The following TIMP2 variants were observed in gnomAD, a reference collection of about 807,000 sequenced individuals.
TIMP2 encodes the protein metalloproteinase inhibitor 2.
TIMP2 carries 5 observed loss-of-function variants against 24.3 expected under a neutral mutation model. That is an observed-to-expected ratio of 0.21 (90% confidence interval 0.11 to 0.43). The LOEUF (loss-of-function observed/expected upper bound fraction) is 0.43, where lower values mean the gene tolerates loss of function less well. TIMP2 is among the 20% of genes least tolerant of loss of function. The pLI is 1.00. For missense variants in TIMP2, 221 were observed against 297.5 expected (o/e 0.74, Z 1.89); for synonymous variants, 130 against 123.2 (o/e 1.06, Z -0.37).
At chr17:78,890,374 A>C (rs553223206) in intron 1 of TIMP2, among the ~76,000 whole-genome samples, 2 of 152,140 alleles carry the variant, frequency 1.3e-5, no homozygotes, top group South Asian at 2.1e-4. Flanking sequence ...GCTAATTTTT[A>C]TATTTTTAGT....
rs541162688 is a variant in TIMP2, at chr17:78,873,831, G to C, written c.219C>G (p.Ile73Met). The change falls in exon 2 of 5, where the codon ATC (isoleucine) becomes ATG (methionine). Residue 73 changes from isoleucine to methionine, a missense_variant. Ile to Met is a conservative substitution (Grantham distance 10, BLOSUM62 1). Coordinates refer to ENST00000262768, the MANE Select transcript of TIMP2 (RefSeq NM_003255.5). Reference protein sequence around the residue: ...GNPIKRIQYEIKQIKMFKGPE... With the variant: ...GNPIKRIQYEMKQIKMFKGPE... ...CAGCCACTATTACCTTTATCTGCTTGATCTCATACTGGATCCTCTTGATAG... is the reference window on the plus strand; with the variant it reads ...CAGCCACTATTACCTTTATCTGCTTCATCTCATACTGGATCCTCTTGATAG... The C allele has an allele frequency of 1.9e-5, 31 of 1,612,532 alleles. No homozygotes were observed. The South Asian group carries it at 3.2e-4, about 17-fold the overall frequency.
chr17:78,875,340 A>T (rs556533485), intron 1 of TIMP2, among the ~76,000 whole-genome samples: 100 of 152,136 alleles, frequency 6.6e-4, no homozygotes, highest in Non-Finnish European at 5.9e-4. Context: ...CTAAGCCCCA[A>T]CCAAACAGAA....
rs151274889 is a variant in TIMP2, at chr17:78,888,323, T to A, written c.131-14404A>T. Among the ~76,000 whole-genome samples, 1,332 of 151,864 alleles carry A rather than the reference T, an allele frequency of 8.8e-3. 27 individuals are homozygous for A. Among genetic ancestry groups the A allele is most frequent in the African/African-American group, 0.031 (1,284 of 41,376 alleles). On this transcript the variant is annotated intron_variant, in intron 1 of 4. Transcript: ENST00000262768. ...TACAGATGCCACCACCACGCCCGGC[T>A]AATTTTTTGTATTTTTAGTAGAGAC...
rs769862358 is a variant in TIMP2 at position 78,857,540 on chromosome 17, C to T, written c.447G>A (p.Gln149=). 1 of 1,614,186 alleles carries T rather than the reference C, an allele frequency of 6.2e-7. No homozygotes were observed. The highest frequency in any genetic ancestry group is 1.1e-5 in the South Asian group (1 of 91,082). ...TGCTTACCTTGCACTCGCAGCCCAT[C>T]TGGTACCTGTGGTTCAGGCTCTTCT... is the stretch of plus-strand genomic sequence containing the variant. ...TQKKSLNHRY[Q]MGCECKITRC... is the part of the protein sequence containing the mutation. The change falls in exon 4 of 5, where the codon CAG becomes CAA. Residue 149 remains glutamine, a synonymous_variant. Transcript: ENST00000262768.
Position 78,893,350 on chromosome 17 carries a change from GGTGTGTGTGCAGGGGTGTGTAGGA to G in TIMP2, c.131-19455_131-19432del, listed in dbSNP as rs1439098229. 6.8e-5 allele frequency among the ~76,000 whole-genome samples: 9 copies of G among 132,800 alleles called. No individual in the cohort carries two copies. In the East Asian group the frequency reaches 7.1e-4, roughly 11 times the overall value. 87.1% of individuals were successfully genotyped at this position (132,800 alleles called of 152,430 possible). ...GTGTCTCCATGCATGTGTGTGCAGG[GGTGTGTGTGCAGGGGTGTGTAGGA>G]GTGTGTGTGCAGGGGTGTGTATGCA... On this transcript the variant is annotated intron_variant, in intron 1 of 4. Transcript: ENST00000262768.
chr17:78,905,531 G>A (rs1236275629), intron 1 of TIMP2, among the ~76,000 whole-genome samples: 3 of 152,228 alleles, frequency 2.0e-5, no homozygotes, highest in Non-Finnish European at 4.4e-5. Context: ...TCTAAAGCAA[G>A]GGGAGAGGTT....
chr17:78,893,320 T>G, intron 1 of TIMP2, among the ~76,000 whole-genome samples: 1 of 124,810 alleles, frequency 8.0e-6, no homozygotes, highest in Admixed American at 8.0e-5. Context: ...TGTGCAAGGG[T>G]GTGTGTGTCT....
rs1215377593 is a variant in TIMP2, at chr17:78,924,234, C to T, written c.130+725G>A. ...ATTTGCTGGGGAATCTGAGCAGCAGCACAGTCCCACGTGCCGGGTCCGGTC... is the reference window on the plus strand; with the variant it reads ...ATTTGCTGGGGAATCTGAGCAGCAGTACAGTCCCACGTGCCGGGTCCGGTC... On this transcript the variant is annotated intron_variant, in intron 1 of 4. Coordinates refer to ENST00000262768, the MANE Select transcript of TIMP2 (RefSeq NM_003255.5). This position sits in a 1 kb window ranked among gnomAD's most constrained non-coding sequence, Gnocchi z 5.3. Among the ~76,000 whole-genome samples, 5 of 152,226 alleles carry T rather than the reference C, an allele frequency of 3.3e-5. No homozygotes were observed. Among genetic ancestry groups the T allele is most frequent in the Admixed American group, 2.0e-4 (3 of 15,290 alleles).
chr17:78,906,750 T>A (rs2070162141), intron 1 of TIMP2, among the ~76,000 whole-genome samples: 1 of 150,692 alleles, frequency 6.6e-6, no homozygotes, highest in African/African-American at 2.4e-5. Context: ...ACCTGGCTAA[T>A]TTTTGTATTT....
chr17:78,886,361 C>A (rs765268312), intron 1 of TIMP2, among the ~76,000 whole-genome samples: 8 of 151,912 alleles, frequency 5.3e-5, no homozygotes, highest in Non-Finnish European at 1.2e-4. Context: ...CAGGCTAAGG[C>A]AGGAAGACCT....
intron 1 of TIMP2, among the ~76,000 whole-genome samples, chr17:78,916,222 G>C (rs1023542385): frequency 1.3e-5 from 2 of 152,140 alleles, no homozygotes; most frequent in African/African-American, 4.8e-5. Context: ...GGCAGAGAGA[G>C]GCCACCTGTC....
At chr17:78,898,618 C>G (rs1365001675) in intron 1 of TIMP2, 1 of 152,306 alleles carries the variant, frequency 6.6e-6, no homozygotes, top group Non-Finnish European at 1.5e-5. Context: ...TGCTCAAGTA[C>G]TTGATTTGTC....
At chr17:78,904,586 C>G (rs981452142) in intron 1 of TIMP2, 8 of 149,812 alleles carry the variant, frequency 5.3e-5, no homozygotes, top group African/African-American at 2.0e-4. Flanking sequence ...TCCACCACCA[C>G]CCCCCTACCC....
intron 1 of TIMP2, among the ~76,000 whole-genome samples, chr17:78,893,195 G>A (rs879507016): frequency 6.7e-6 from 1 of 148,312 alleles, no homozygotes; most frequent in Non-Finnish European, 1.5e-5. Context: ...AGGGGTGTGT[G>A]CAAGGATGTG....
At chr17:78,906,978 T>C (rs1420185998) in intron 1 of TIMP2, among the ~76,000 whole-genome samples, 1 of 152,228 alleles carries the variant, frequency 6.6e-6, no homozygotes, top group Non-Finnish European at 1.5e-5. Context: ...ACAAAAGGCC[T>C]AGCTGTCAGC....
At chr17:78,863,769 T>C (rs2069586015) in intron 3 of TIMP2, among the ~76,000 whole-genome samples, 2 of 152,116 alleles carry the variant, frequency 1.3e-5, no homozygotes, top group East Asian at 3.9e-4. Context: ...ATCTCCAGTG[T>C]AAGACATAAA....
intron 1 of TIMP2, among the ~76,000 whole-genome samples, chr17:78,918,057 CACACACAA>C (rs1375006556): frequency 8.0e-4 from 89 of 111,120 alleles, no homozygotes; most frequent in African/African-American, 3.7e-3. Context: ...CGTACGCGTG[CACACACAA>C]ACACACACAC....
intron 1 of TIMP2, among the ~76,000 whole-genome samples, chr17:78,903,820 T>C (rs1477109619): frequency 6.6e-6 from 1 of 151,332 alleles, no homozygotes; most frequent in African/African-American, 2.4e-5. Context: ...GCAGGGGGTT[T>C]CCAGGAAGCA....
At chr17:78,868,691 A>G (rs1454003652) in intron 3 of TIMP2, among the ~76,000 whole-genome samples, 1 of 152,168 alleles carries the variant, frequency 6.6e-6, no homozygotes, top group Non-Finnish European at 1.5e-5. Context: ...CATTTATACT[A>G]AAATTACTTG....
Sources: allele counts gnomAD v4.1 joint callset (sites outside exome capture counted in the v4.1 genomes callset), GRCh38; gene constraint gnomAD v4.1.1; non-coding constraint Gnocchi (gnomAD v3.1); transcripts MANE v1.5; gene names NCBI Gene and HGNC (gene_info 2026-07-23, HGNC 2026-07-21).